PTPN13: variants seen among roughly 807,000 people sequenced by gnomAD.
The protein encoded by PTPN13 is tyrosine-protein phosphatase non-receptor type 13.
A neutral mutation model predicts 284.0 loss-of-function variants in PTPN13; 191 were observed. The ratio of observed to expected loss-of-function variants is 0.67; its 90% CI spans 0.60 to 0.76. The LOEUF (loss-of-function observed/expected upper bound fraction) is 0.76. Among genes scored for constraint, PTPN13 ranks in the 30% least tolerant of loss-of-function variants. The pLI is 0.00. For synonymous variants in PTPN13, 986 were observed against 1,022.3 expected, an observed-to-expected ratio of 0.96 and a Z score of 0.68; for missense variants, 2,797 against 2,939.9, an observed-to-expected ratio of 0.95 and a Z score of 1.12.
chr4:86,775,180 A>G lies in PTPN13; in HGVS notation c.5518A>G (p.Thr1840Ala), dbSNP rs1394238363. The G allele has an allele frequency of 6.3e-7, 1 of 1,598,002 alleles. No individual in the cohort carries two copies. The stretch of plus-strand genomic sequence containing the variant: ...TTTCTTGTTTTTGTAGGTTAATGAT[A>G]CAGATGTTACTAATATGACTCATAC... ...PGDRLIKVND[T>A]DVTNMTHTDA... Residue 1840 changes from threonine to alanine, a missense_variant, in exon 34 of 48, where the codon ACA becomes GCA. Transcript: ENST00000411767.
At position 86,686,778 on chromosome 4, in the gene PTPN13, A is replaced by T; in HGVS notation, c.360+3A>T. ...ATTATGAAGTGCCTCAGAGCCAAGT[A>T]AGTTAAGTTTTTACAGTTGTTATAC... On this transcript the variant is annotated splice_donor_region_variant and intron_variant, in intron 4 of 47. Transcript: ENST00000411767. The T allele has an allele frequency of 6.4e-7, 1 of 1,559,312 alleles. No homozygotes were observed. The highest frequency in any genetic ancestry group is 8.7e-7 in the Non-Finnish European group (1 of 1,147,140).
At chr4:86,803,204 AT>A (rs1042171010) in intron 42 of PTPN13, among the ~76,000 whole-genome samples, 1 of 150,810 alleles carries the variant, frequency 6.6e-6, no homozygotes, top group African/African-American at 2.4e-5. Flanking sequence ...GTGTATATAT[AT>A]ACACACACAT....
At chr4:86,650,929 G>A (rs943536537) in intron 2 of PTPN13, among the ~76,000 whole-genome samples, 1 of 151,922 alleles carries the variant, frequency 6.6e-6, no homozygotes, top group East Asian at 1.9e-4. Context: ...TTATCTAATT[G>A]CTCTGGCTAG....
At chr4:86,719,704 T>C (rs1733430684) in intron 9 of PTPN13, among the ~76,000 whole-genome samples, 1 of 152,230 alleles carries the variant, frequency 6.6e-6, no homozygotes. Flanking sequence ...GTGGTTCTGA[T>C]TTGCATTTCT....
intron 1 of PTPN13, among the ~76,000 whole-genome samples, chr4:86,598,172 A>G (rs1349251823): frequency 6.6e-6 from 1 of 150,578 alleles, no homozygotes; most frequent in African/African-American, 2.4e-5. Flanking sequence ...TTTAAGATGG[A>G]ATCTCGCCCA....
intron 16 of PTPN13, among the ~76,000 whole-genome samples, chr4:86,742,320 G>A (rs1736254796): frequency 6.6e-6 from 1 of 152,142 alleles, no homozygotes; most frequent in South Asian, 2.1e-4. Flanking sequence ...TCTCTATAAA[G>A]TTAGAAAATG....
At chr4:86,673,507 A>C (rs1432282505) in intron 3 of PTPN13, among the ~76,000 whole-genome samples, 4 of 152,170 alleles carry the variant, frequency 2.6e-5, no homozygotes, top group African/African-American at 7.2e-5. Flanking sequence ...GATGTGGTTA[A>C]AGGAAGGAAG....
rs1034101319 is a variant in PTPN13, at chr4:86,814,548, G to A, written c.7455G>A (p.Lys2485=). ...AAAAACAGCAGCCTCAGCTTCTGAA[G>A]TGACATGAAAAGAGCCTCTGGATGC... The part of the protein sequence containing the change: ...EEQKQQPQLL[K] Residue 2485 remains lysine (K), a synonymous_variant, in exon 48 of 48, where the codon AAG becomes AAA. Transcript: ENST00000411767. 8 of 1,608,198 alleles carry A rather than the reference G, an allele frequency of 5.0e-6. No homozygotes were observed. The African/African-American group carries it at 1.1e-4, about 22-fold the overall frequency.
intron 10 of PTPN13, among the ~76,000 whole-genome samples, chr4:86,724,439 C>G: frequency 6.6e-6 from 1 of 152,284 alleles, no homozygotes; most frequent in South Asian, 2.1e-4. Context: ...AATTATAGAT[C>G]GTACCTTTAT....
chr4:86,766,390 A>C (rs1332655903), intron 26 of PTPN13, 42 bp from the exon 27 acceptor site: 1 of 1,449,492 alleles, frequency 6.9e-7, no homozygotes, highest in Non-Finnish European at 9.5e-7. Flanking sequence ...TTAAAAGAAC[A>C]TGTAGGATTT....
At position 86,785,271 on chromosome 4, in the gene PTPN13, A is replaced by G. The variant is rs775608963; in HGVS notation, c.6159A>G (p.Gln2053=). 2.5e-6 allele frequency: 4 copies of G among 1,590,638 alleles called. No individual in the cohort carries two copies. Among genetic ancestry groups the G allele is most frequent in the Admixed American group, 3.4e-5 (2 of 59,200 alleles). ...AAGATGACATTTATGATGATTCCCA[A>G]GAAGCTGAAGTTATCCAGTCTCTGC... ...IQEDDIYDDS[Q]EAEVIQSLLD... is the part of the protein sequence containing the mutation. The change falls in exon 39 of 48, where the codon CAA becomes CAG. Residue 2053 remains glutamine (Q), a synonymous_variant. Transcript: ENST00000411767.
In PTPN13 at chr4:86,799,825, CTTTTTTTTTTTTTTTT is replaced by C. The variant is rs925434357; in HGVS notation, c.6505+634_6505+649del. ...TTCTGGAAGGAGAAGTCAAGGGGCA[CTTTTTTTTTTTTTTTT>C]TTTTTTTTTTTTGAGACAGAGTCTC... On this transcript the variant is annotated intron_variant, in intron 42 of 47. Transcript: ENST00000411767. Among the ~76,000 whole-genome samples the C allele has an allele frequency of 3.6e-5, 3 of 83,212 alleles. No homozygotes were observed. The South Asian group carries it at 1.3e-3, about 37-fold the overall frequency. 54.6% of individuals were successfully genotyped at this position (83,212 alleles called of 152,430 possible).
At chr4:86,753,818 A>C (rs1026814048) in intron 20 of PTPN13, among the ~76,000 whole-genome samples, 1 of 152,126 alleles carries the variant, frequency 6.6e-6, no homozygotes, top group Non-Finnish European at 1.5e-5. Flanking sequence ...TCCTCCAAAA[A>C]TGTTTCAGTC....
intron 10 of PTPN13, among the ~76,000 whole-genome samples, chr4:86,729,003 T>A (rs1195304704): frequency 6.7e-6 from 1 of 149,132 alleles, no homozygotes; most frequent in African/African-American, 2.4e-5. Context: ...CCATGTTTAG[T>A]GCTTCCTTCA....
rs769917592 is a variant in PTPN13 at position 86,807,811 on chromosome 4, G to A, written c.6997G>A (p.Val2333Ile). The A allele has an allele frequency of 1.2e-6, 2 of 1,613,900 alleles. No individual in the cohort carries two copies. Among genetic ancestry groups the A allele is most frequent in the African/African-American group, 2.7e-5 (2 of 74,928 alleles). ...WPNILGKTTM[V>I]SNRLRLALVR... is the part of the protein sequence containing the mutation. ...CAACATCCTAGGCAAAACAACAATG[G>A]TCAGCAACAGACTTCGACTGGCTCT... is the stretch of plus-strand genomic sequence containing the variant. The change falls in exon 45 of 48, where the codon GTC becomes ATC. Residue 2333 changes from valine to isoleucine, a missense_variant. Val to Ile is a conservative substitution (Grantham distance 29). Coordinates refer to ENST00000411767, the MANE Select transcript of PTPN13 (RefSeq NM_080683.3).
At chr4:86,672,661 A>G (rs1208498773) in intron 3 of PTPN13, 118 bp downstream of exon 3, 2 of 758,042 alleles carry the variant, frequency 2.6e-6, no homozygotes, top group Non-Finnish European at 4.0e-6. Context: ...ATGACCGTGT[A>G]TTCCAAGAAG....
rs758180780 is a variant in PTPN13, at chr4:86,753,115, T to A, written c.3223+50T>A. 24 of 1,409,186 alleles carry A rather than the reference T, an allele frequency of 1.7e-5. 1 individual carries two copies. The Admixed American group carries it at 3.8e-4, about 23-fold the overall frequency. The allele number at this position is 1,409,186 out of a possible 1,614,324, so 87.3% of individuals were successfully genotyped here. A position where few individuals can be genotyped will look rare whatever the true frequency, so the allele number is the denominator to read the frequency against. On this transcript the variant is annotated intron_variant, in intron 20 of 47. Coordinates refer to ENST00000411767, the MANE Select transcript of PTPN13 (RefSeq NM_080683.3). The stretch of plus-strand genomic sequence containing the variant: ...CTCATTTCCATCATTTCTTGTACCT[T>A]ACTGAGATAGTCTTGGACCTAACAA...
At chr4:86,746,448 T>C (rs1736770478) in intron 17 of PTPN13, among the ~76,000 whole-genome samples, 2 of 152,164 alleles carry the variant, frequency 1.3e-5, no homozygotes, top group Admixed American at 1.3e-4. Flanking sequence ...AAGGGCAGAC[T>C]GGGGCGATGG....
intron 10 of PTPN13, among the ~76,000 whole-genome samples, chr4:86,727,009 GT>G (rs1021948499): frequency 1.3e-5 from 2 of 149,524 alleles, no homozygotes; most frequent in African/African-American, 4.9e-5. Flanking sequence ...TTTATTGAGA[GT>G]TTTTAGCATG....
Sources: allele counts gnomAD v4.1 joint callset (sites outside exome capture counted in the v4.1 genomes callset), GRCh38; gene constraint gnomAD v4.1.1; transcripts MANE v1.5; gene names NCBI Gene and HGNC (gene_info 2026-07-23, HGNC 2026-07-21).